The following AGBL1 variants were observed in gnomAD, a reference collection of about 807,000 sequenced individuals.
The protein encoded by AGBL1 is AGBL carboxypeptidase 1, also known as cytosolic carboxypeptidase 4.
AGBL1 carries 130 observed loss-of-function variants against 118.9 expected under a neutral mutation model. The ratio of observed to expected loss-of-function variants is 1.09; its 90% CI spans 0.95 to 1.26. The LOEUF is 1.26. Ranked by LOEUF, AGBL1 falls within the 50% of genes most tolerant of loss-of-function variation. The pLI, the probability that AGBL1 is intolerant of heterozygous loss-of-function variation, is 0.00. For missense variants in AGBL1, 1,584 were observed against 1,298.1 expected (o/e 1.22, Z -3.38); for synonymous variants, 555 against 478.9 (o/e 1.16, Z -2.08).
At chr15:86,823,959 A>G (rs966399534) in intron 22 of AGBL1, among the ~76,000 whole-genome samples, 15 of 152,182 alleles carry the variant, frequency 9.9e-5, no homozygotes, top group African/African-American at 3.6e-4. Flanking sequence ...AAAAAAGCAT[A>G]TGAATAATAT....
At chr15:86,497,486 G>C (rs181848240) in intron 18 of AGBL1, among the ~76,000 whole-genome samples, 4 of 151,798 alleles carry the variant, frequency 2.6e-5, no homozygotes, top group Non-Finnish European at 5.9e-5. Flanking sequence ...TGGCTTTTCC[G>C]TTTGATAATT....
chr15:86,189,000 G>T (rs9646224), intron 5 of AGBL1, among the ~76,000 whole-genome samples: 3 of 152,198 alleles, frequency 2.0e-5, no homozygotes, highest in Non-Finnish European at 4.4e-5. Context: ...GTTTTAAGTT[G>T]TGACAATTAT....
At chr15:86,322,380 T>C (rs2080117472) in intron 17 of AGBL1, among the ~76,000 whole-genome samples, 1 of 152,178 alleles carries the variant, frequency 6.6e-6, no homozygotes, top group South Asian at 2.1e-4. Flanking sequence ...TTCTAATTAA[T>C]TGTAACATTG....
intron 17 of AGBL1, among the ~76,000 whole-genome samples, chr15:86,397,106 C>A (rs1038023049): frequency 6.6e-6 from 1 of 152,028 alleles, no homozygotes; most frequent in African/African-American, 2.4e-5. Context: ...AAACCTCATG[C>A]CAATCATGTG....
chr15:86,887,261 A>G (rs1051634264), intron 22 of AGBL1, among the ~76,000 whole-genome samples: 7 of 152,198 alleles, frequency 4.6e-5, no homozygotes, highest in African/African-American at 1.4e-4. Flanking sequence ...GTATGTATCT[A>G]TCTACCTACC....
intron 24 of AGBL1, among the ~76,000 whole-genome samples, chr15:86,994,032 A>G (rs559540573): frequency 3.9e-4 from 59 of 152,210 alleles, no homozygotes; most frequent in African/African-American, 1.2e-3. Flanking sequence ...ATTCAGTGTG[A>G]CACAGGTTCT....
intron 22 of AGBL1, among the ~76,000 whole-genome samples, chr15:86,744,012 A>G (rs1351452224): frequency 6.6e-6 from 1 of 152,158 alleles, no homozygotes; most frequent in East Asian, 1.9e-4. Context: ...GAACAATGCC[A>G]TCTTATTTAA....
chr15:86,123,584 C>T lies in AGBL1; in HGVS notation c.52-18420C>T, dbSNP rs118103541. ...CTAAGTCATTCCTTTCTATTGATCC[C>T]GGGCTTTTAGATAATAACTCTTCCA... On this transcript the variant is annotated intron_variant, in intron 1 of 22. Transcript: ENST00000614907. Among the ~76,000 whole-genome samples, 1,128 of 152,290 alleles carry T rather than the reference C, an allele frequency of 7.4e-3. 11 individuals are homozygous for T. The highest frequency in any genetic ancestry group is 0.012 in the Non-Finnish European group (833 of 68,020).
At chr15:86,520,474 T>C (rs2142196412) in intron 18 of AGBL1, among the ~76,000 whole-genome samples, 1 of 152,218 alleles carries the variant, frequency 6.6e-6, no homozygotes, top group Admixed American at 6.5e-5. Flanking sequence ...GCACAAAACT[T>C]TATTTTTTTT....
chr15:86,198,662 T>TTCTCTC (rs148093995), intron 5 of AGBL1, among the ~76,000 whole-genome samples: 1,843 of 150,090 alleles, frequency 0.012, 21 homozygotes, highest in East Asian at 0.057. Context: ...GAGGAAGATT[T>TTCTCTC]TCTCTCTCTC....
intron 1 of AGBL1, among the ~76,000 whole-genome samples, chr15:86,124,082 C>T (rs556548756): frequency 1.8e-4 from 28 of 152,222 alleles, no homozygotes; most frequent in Admixed American, 9.2e-4. Context: ...AGAATCCTAG[C>T]ACTTTGGGAG....
chr15:86,227,027 C>G (rs2078376840), intron 6 of AGBL1, among the ~76,000 whole-genome samples: 2 of 152,118 alleles, frequency 1.3e-5, no homozygotes, highest in Admixed American at 1.3e-4. Flanking sequence ...TTGTTGTTTT[C>G]TTTTTAAAAT....
chr15:86,958,972 A>G (rs1181786428), intron 23 of AGBL1, among the ~76,000 whole-genome samples: 1 of 152,176 alleles, frequency 6.6e-6, no homozygotes, highest in African/African-American at 2.4e-5. Flanking sequence ...TTGAAATGTT[A>G]AAACACTCAG....
chr15:86,481,772 A>T (rs1596171531), intron 18 of AGBL1, among the ~76,000 whole-genome samples: 1 of 152,114 alleles, frequency 6.6e-6, no homozygotes, highest in Admixed American at 6.6e-5. Context: ...TCATCTTAGA[A>T]CTAGACAGAA....
intron 17 of AGBL1, among the ~76,000 whole-genome samples, chr15:86,395,957 T>A (rs1387060268): frequency 6.6e-6 from 1 of 151,958 alleles, no homozygotes; most frequent in Non-Finnish European, 1.5e-5. Context: ...GCTACGGCTT[T>A]TTAGATTCTG....
intron 22 of AGBL1, among the ~76,000 whole-genome samples, chr15:86,780,234 C>T (rs553598503): frequency 6.6e-6 from 1 of 152,272 alleles, no homozygotes; most frequent in South Asian, 2.1e-4. Flanking sequence ...AAAAAGGCCA[C>T]CTTTGCCTTC....
chr15:86,849,244 G>T (rs2079363997), intron 22 of AGBL1, among the ~76,000 whole-genome samples: 1 of 152,200 alleles, frequency 6.6e-6, no homozygotes, highest in African/African-American at 2.4e-5. Flanking sequence ...AGTTTATGCA[G>T]CTTTCTCTGC....
chr15:86,439,423 A>G (rs2142051586), intron 18 of AGBL1, among the ~76,000 whole-genome samples: 1 of 152,272 alleles, frequency 6.6e-6, no homozygotes, highest in South Asian at 2.1e-4. Flanking sequence ...GCTCAGTATT[A>G]ATGGCCCTGT....
At chr15:86,460,318 CAAAAAAAAAAA>C (rs1168019827) in intron 18 of AGBL1, among the ~76,000 whole-genome samples, 418 of 36,630 alleles carry the variant, frequency 0.011, 3 homozygotes, top group African/African-American at 0.037. Flanking sequence ...CCTATCTCTA[CAAAAAAAAAAA>C]AAAAAAAAAA....
Sources: gnomAD v4.1 joint callset for allele counts (sites outside exome capture counted in the v4.1 genomes callset) on GRCh38, gnomAD v4.1.1 for gene constraint, MANE v1.5 for transcripts, NCBI Gene and HGNC (gene_info 2026-07-23, HGNC 2026-07-21) for gene names.